The following GALNT13 variants were observed in gnomAD, a reference collection of about 807,000 sequenced individuals.
GALNT13 encodes the protein UDP-GalNAc:polypeptide N-acetylgalactosaminyltransferase 13.
In GALNT13, 28 loss-of-function variants were observed where a neutral mutation model predicts 64.2. The observed-to-expected ratio is 0.44, with a 90% CI of 0.32 to 0.60. GALNT13 has a LOEUF of 0.60. GALNT13 is among the 20% of genes least tolerant of loss of function. The pLI is 0.05. For missense variants in GALNT13, 577 were observed against 669.8 expected, an observed-to-expected ratio of 0.86 and a Z score of 1.53; for synonymous variants, 214 against 224.6, an observed-to-expected ratio of 0.95 and a Z score of 0.42.
the GALNT13 span, among the ~76,000 whole-genome samples, chr2:153,161,215 G>A: frequency 6.6e-6 from 1 of 152,082 alleles, no homozygotes; most frequent in Non-Finnish European, 1.5e-5. Context: ...TCCTTGACCT[G>A]GGCTTATCCT....
At chr2:153,922,993 G>T (rs960859297) in intron 2 of GALNT13, among the ~76,000 whole-genome samples, 1 of 151,934 alleles carries the variant, frequency 6.6e-6, no homozygotes, top group Non-Finnish European at 1.5e-5. Context: ...TCCGCCTCCC[G>T]GGTTCAAGCA....
At chr2:153,955,606 G>T (rs942790769) in intron 3 of GALNT13, among the ~76,000 whole-genome samples, 6 of 152,190 alleles carry the variant, frequency 3.9e-5, no homozygotes, top group Non-Finnish European at 4.4e-5. Context: ...TACGAAAAGG[G>T]ATCACTGATG....
chr2:153,953,773 C>T (rs910635413), intron 3 of GALNT13, among the ~76,000 whole-genome samples: 3 of 152,120 alleles, frequency 2.0e-5, no homozygotes, highest in African/African-American at 7.2e-5. Context: ...ATTAGTAAGA[C>T]AGTTATCACC....
At chr2:154,113,173 G>A (rs1703084201) in intron 3 of GALNT13, among the ~76,000 whole-genome samples, 1 of 152,174 alleles carries the variant, frequency 6.6e-6, no homozygotes, top group African/African-American at 2.4e-5. Flanking sequence ...TGCAGAAGAT[G>A]GCATGGCCTT....
At chr2:153,135,262 C>T in the GALNT13 span, among the ~76,000 whole-genome samples, 1 of 152,126 alleles carries the variant, frequency 6.6e-6, no homozygotes, top group Non-Finnish European at 1.5e-5. Context: ...CCTCATTTAA[C>T]TGTAATTTCC....
the GALNT13 span, among the ~76,000 whole-genome samples, chr2:153,080,681 C>A: frequency 2.0e-5 from 3 of 151,910 alleles, no homozygotes; most frequent in Non-Finnish European, 4.4e-5. Flanking sequence ...AATTTTTTGT[C>A]CGCTTGATCT....
the GALNT13 span, among the ~76,000 whole-genome samples, chr2:153,244,285 G>C: frequency 6.6e-6 from 1 of 152,110 alleles, no homozygotes; most frequent in Non-Finnish European, 1.5e-5. Flanking sequence ...CTATTTTGTG[G>C]TATCCAGTGT....
At chr2:153,543,126 C>T in the GALNT13 span, among the ~76,000 whole-genome samples, 1 of 152,088 alleles carries the variant, frequency 6.6e-6, no homozygotes, top group African/African-American at 2.4e-5. Context: ...TGAGGTTGCC[C>T]AGAAATAATC....
chr2:154,078,678 A>C (rs1228234488), intron 3 of GALNT13, among the ~76,000 whole-genome samples: 2 of 151,594 alleles, frequency 1.3e-5, no homozygotes, highest in African/African-American at 4.8e-5. Context: ...GGGGGTCATA[A>C]TTTCCTTTTT....
chr2:154,284,770 C>T (rs761757881), intron 8 of GALNT13, among the ~76,000 whole-genome samples: 33 of 152,196 alleles, frequency 2.2e-4, no homozygotes, highest in Non-Finnish European at 2.1e-4. Context: ...AACCATCAAA[C>T]TATCTCCCAA....
intron 1 of GALNT13, among the ~76,000 whole-genome samples, chr2:153,897,949 A>C (rs1437697986): frequency 6.6e-6 from 1 of 152,018 alleles, no homozygotes; most frequent in Non-Finnish European, 1.5e-5. Context: ...TGCCACCTCA[A>C]ATGTCATGTA....
chr2:154,352,623 T>C (rs1449044770), intron 9 of GALNT13, among the ~76,000 whole-genome samples: 1 of 152,202 alleles, frequency 6.6e-6, no homozygotes, highest in Non-Finnish European at 1.5e-5. Flanking sequence ...TTGAATTGAA[T>C]GCAAGTTAGT....
chr2:153,436,234 A>G, the GALNT13 span, among the ~76,000 whole-genome samples: 4 of 152,158 alleles, frequency 2.6e-5, no homozygotes, highest in Non-Finnish European at 4.4e-5. Flanking sequence ...TTTTGCCAGT[A>G]TTTTATTGAG....
intron 3 of GALNT13, among the ~76,000 whole-genome samples, chr2:154,048,207 A>G (rs1379344291): frequency 1.3e-5 from 2 of 152,112 alleles, no homozygotes; most frequent in East Asian, 3.9e-4. Context: ...TCACTATCAC[A>G]AGAACAGCAC....
the GALNT13 span, among the ~76,000 whole-genome samples, chr2:153,719,946 G>C: frequency 2.6e-5 from 4 of 152,094 alleles, no homozygotes; most frequent in Non-Finnish European, 4.4e-5. Flanking sequence ...GCTCAAACTG[G>C]GTGGAGCCCA....
chr2:154,103,069 TA>T (rs1214091294), intron 3 of GALNT13, among the ~76,000 whole-genome samples: 2 of 152,080 alleles, frequency 1.3e-5, no homozygotes, highest in African/African-American at 4.8e-5. Context: ...CAAGATCAAG[TA>T]TTTTTTTTTC....
chr2:154,442,033 G>A (rs578039103), intron 12 of GALNT13, among the ~76,000 whole-genome samples: 63 of 151,312 alleles, frequency 4.2e-4, no homozygotes, highest in South Asian at 1.5e-3. Flanking sequence ...TCGAAAAACT[G>A]GAAATAATTA....
intron 2 of GALNT13, among the ~76,000 whole-genome samples, chr2:153,927,408 T>C (rs1690222288): frequency 6.6e-6 from 1 of 152,060 alleles, no homozygotes; most frequent in African/African-American, 2.4e-5. Flanking sequence ...TGGTAATCTC[T>C]GCTTACCTGT....
At chr2:154,184,570 G>A (rs1686148450) in intron 4 of GALNT13, among the ~76,000 whole-genome samples, 1 of 151,614 alleles carries the variant, frequency 6.6e-6, no homozygotes, top group South Asian at 2.1e-4. Context: ...ATTATCATGT[G>A]TCTTAGTCTG....
Sources: allele counts gnomAD v4.1 joint callset (sites outside exome capture counted in the v4.1 genomes callset), GRCh38; gene constraint gnomAD v4.1.1; transcripts MANE v1.5; gene names NCBI Gene and HGNC (gene_info 2026-07-23, HGNC 2026-07-21).